Variants in DNER observed in about 807,000 individuals in gnomAD.
DNER encodes delta/notch like EGF repeat containing, also known as delta and Notch-like epidermal growth factor-related receptor.
A neutral mutation model predicts 78.2 loss-of-function variants in DNER; 33 were observed. The observed-to-expected ratio is 0.42, with a 90% CI of 0.32 to 0.56. DNER has a LOEUF of 0.56. Among genes scored for constraint, DNER ranks in the 20% least tolerant of loss-of-function variants. DNER has a pLI of 0.11. For missense variants in DNER, 918 were observed against 975.3 expected (o/e 0.94, Z 0.78); for synonymous variants, 417 against 384.8 (o/e 1.08, Z -0.98).
intron 5 of DNER, among the ~76,000 whole-genome samples, chr2:229,516,987 T>C (rs996323937): frequency 4.7e-5 from 7 of 150,356 alleles, no homozygotes; most frequent in Non-Finnish European, 8.9e-5. Context: ...GGCACGTGCC[T>C]GTAGTCCCAG....
chr2:229,485,217 G>A (rs1049652129), intron 6 of DNER, among the ~76,000 whole-genome samples: 7 of 152,150 alleles, frequency 4.6e-5, no homozygotes, highest in African/African-American at 9.7e-5. Flanking sequence ...TGGCACAGCC[G>A]GGAAAGCCCT....
At chr2:229,520,129 G>C (rs1696065697) in intron 5 of DNER, among the ~76,000 whole-genome samples, 1 of 152,142 alleles carries the variant, frequency 6.6e-6, no homozygotes, top group East Asian at 1.9e-4. Context: ...AGATGCTTAG[G>C]TGTTCACTGA....
intron 11 of DNER, among the ~76,000 whole-genome samples, chr2:229,377,579 A>G (rs1026117353): frequency 3.3e-5 from 5 of 152,188 alleles, no homozygotes; most frequent in Non-Finnish European, 7.4e-5. Context: ...GCCTTAAAAC[A>G]TGTGTAAATC....
At chr2:229,517,162 GA>G (rs1188720252) in intron 5 of DNER, among the ~76,000 whole-genome samples, 4 of 149,764 alleles carry the variant, frequency 2.7e-5, no homozygotes, top group African/African-American at 7.4e-5. Context: ...TTCTAGGTTA[GA>G]AAAAAAATCA....
intron 4 of DNER, among the ~76,000 whole-genome samples, chr2:229,574,188 T>A (rs1413656448): frequency 5.3e-5 from 8 of 152,172 alleles, no homozygotes; most frequent in Admixed American, 5.2e-4. Context: ...GTGTATCAAA[T>A]GTGCCATTAA....
intron 1 of DNER, among the ~76,000 whole-genome samples, chr2:229,672,612 GAGAGAAGA>G (rs1699229162): frequency 6.6e-6 from 1 of 151,360 alleles, no homozygotes; most frequent in Non-Finnish European, 1.5e-5. Context: ...ATGAGGGAGG[GAGAGAAGA>G]AGAGAAAGAG....
At chr2:229,601,435 C>T (rs995475406) in intron 1 of DNER, among the ~76,000 whole-genome samples, 8 of 152,188 alleles carry the variant, frequency 5.3e-5, no homozygotes, top group African/African-American at 1.9e-4. Context: ...TGCTCATTCG[C>T]TTTACTGAAT....
chr2:229,629,360 T>G (rs1698397100), intron 1 of DNER, among the ~76,000 whole-genome samples: 1 of 152,234 alleles, frequency 6.6e-6, no homozygotes, highest in African/African-American at 2.4e-5. Flanking sequence ...TTACATATGA[T>G]TAGACTTATA....
intron 5 of DNER, among the ~76,000 whole-genome samples, chr2:229,542,775 CAAA>C (rs56738752): frequency 0.15 from 13,173 of 88,534 alleles, 641 homozygotes; most frequent in Admixed American, 0.22. Flanking sequence ...CCCAAGTAGG[CAAA>C]AAAAAAAAAA....
intron 4 of DNER, among the ~76,000 whole-genome samples, chr2:229,575,626 A>G (rs1228738081): frequency 1.3e-5 from 2 of 152,078 alleles, no homozygotes; most frequent in Non-Finnish European, 2.9e-5. Flanking sequence ...TCCATCTTTG[A>G]TCACCTGCTC....
intron 4 of DNER, among the ~76,000 whole-genome samples, chr2:229,570,483 C>T (rs919284218): frequency 6.6e-6 from 1 of 152,068 alleles, no homozygotes; most frequent in Non-Finnish European, 1.5e-5. Context: ...GAAAATTAGT[C>T]AGGCATGGTG....
intron 6 of DNER, among the ~76,000 whole-genome samples, chr2:229,507,262 TC>T (rs1430359344): frequency 6.6e-6 from 1 of 152,224 alleles, no homozygotes; most frequent in Non-Finnish European, 1.5e-5. Flanking sequence ...ATGCGGTCCA[TC>T]ACTGACTGTC....
At chr2:229,392,925 C>G (rs546258484) in intron 10 of DNER, among the ~76,000 whole-genome samples, 1 of 152,186 alleles carries the variant, frequency 6.6e-6, no homozygotes, top group South Asian at 2.1e-4. Flanking sequence ...AGACATGCAA[C>G]AAAGTAGGCT....
intron 5 of DNER, among the ~76,000 whole-genome samples, chr2:229,536,505 G>T (rs770772211): frequency 7.2e-5 from 11 of 152,178 alleles, no homozygotes; most frequent in Non-Finnish European, 1.5e-4. Context: ...AGCCCCATAT[G>T]GGTGCCCACC....
At chr2:229,531,924 C>G (rs548762793) in intron 5 of DNER, among the ~76,000 whole-genome samples, 1 of 152,060 alleles carries the variant, frequency 6.6e-6, no homozygotes, top group Non-Finnish European at 1.5e-5. Flanking sequence ...AATATGATTC[C>G]ATTTATATGA....
In DNER at chr2:229,714,248, C is replaced by G; in HGVS notation, c.176G>C (p.Cys59Ser). 7.1e-7 allele frequency: 1 copy of G among 1,418,432 alleles called. No homozygotes were observed. The highest frequency in any genetic ancestry group is 1.5e-5 in the South Asian group (1 of 68,890). The allele number at this position is 1,418,432 out of a possible 1,614,324, so 87.9% of individuals were successfully genotyped here. The part of the protein sequence containing the change: ...AAQPCRNGGV[C>S]TSRPEPDPQH... ...CGGGTCCGGCTCAGGGCGCGAGGTG[C>G]ACACACCCCCATTCCGGCAGGGCTG... is the stretch of plus-strand genomic sequence containing the variant. Residue 59 changes from cysteine (C) to serine (S), a missense_variant, in exon 1 of 13, where the codon TGC becomes TCC. By Grantham distance (112) the Cys-to-Ser change is moderately radical. Coordinates refer to ENST00000341772, the MANE Select transcript of DNER (RefSeq NM_139072.4).
At position 229,393,411 on chromosome 2, in the gene DNER, G is replaced by C. The variant is rs373646815; in HGVS notation, c.1724-5015C>G. ...ACTGTACTCCAGCCTGGGTGACAGA[G>C]TGAGACTCCGTCTCAAAAAAAATAA... is the stretch of plus-strand genomic sequence containing the variant. On this transcript the variant is annotated intron_variant, in intron 10 of 12. Coordinates refer to ENST00000341772, the MANE Select transcript of DNER (RefSeq NM_139072.4). 2.6e-5 allele frequency among the ~76,000 whole-genome samples: 4 copies of C among 151,896 alleles called. No individual in the cohort carries two copies. The East Asian group carries it at 5.8e-4, about 22-fold the overall frequency.
At chr2:229,619,068 G>T (rs1291592265) in intron 1 of DNER, among the ~76,000 whole-genome samples, 2 of 152,100 alleles carry the variant, frequency 1.3e-5, no homozygotes, top group African/African-American at 4.8e-5. Flanking sequence ...AAGATCGCTT[G>T]AGCCAAGGAG....
At chr2:229,505,307 A>G (rs1695715573) in intron 6 of DNER, among the ~76,000 whole-genome samples, 1 of 152,044 alleles carries the variant, frequency 6.6e-6, no homozygotes, top group Admixed American at 6.6e-5. Context: ...AGGGAATCGG[A>G]ACTGGCAAAG....
Sources: gnomAD v4.1 joint callset for allele counts (sites outside exome capture counted in the v4.1 genomes callset) on GRCh38, gnomAD v4.1.1 for gene constraint, MANE v1.5 for transcripts, NCBI Gene and HGNC (gene_info 2026-07-23, HGNC 2026-07-21) for gene names.